Variants in ESF1 observed in about 807,000 individuals in gnomAD.
ESF1 encodes the protein ESF1 nucleolar pre-rRNA processing protein, also known as ESF1 homolog.
In ESF1, 58 loss-of-function variants were observed where a neutral mutation model predicts 92.0. That is an observed-to-expected ratio of 0.63 (90% confidence interval 0.51 to 0.78). ESF1 has a LOEUF of 0.78. Ranked by LOEUF, ESF1 falls within the 30% of genes least tolerant of loss-of-function variation. The probability of loss-of-function intolerance (pLI) is 0.00; values close to 1 mark genes in which losing one functional copy is unlikely to be tolerated. For synonymous variants in ESF1, 321 were observed against 313.7 expected, an observed-to-expected ratio of 1.02 and a Z score of -0.24; for missense variants, 922 against 989.1, an observed-to-expected ratio of 0.93 and a Z score of 0.91.
At chr20:13,782,481 A>T (rs953265534) in intron 2 of ESF1, 23 bp downstream of exon 2, 1 of 1,484,330 alleles carries the variant, frequency 6.7e-7, no homozygotes, top group Non-Finnish European at 8.9e-7. Flanking sequence ...ACACCCAAGA[A>T]TCTCTAATTT....
At chr20:13,766,357 G>A (rs1979424803) in intron 8 of ESF1, among the ~76,000 whole-genome samples, 1 of 152,054 alleles carries the variant, frequency 6.6e-6, no homozygotes, top group African/African-American at 2.4e-5. Context: ...AAAAGAAACA[G>A]AAAACTCTAA....
chr20:13,772,609 G>A lies in ESF1; in HGVS notation c.1156C>T (p.Pro386Ser), dbSNP rs963328451. The change falls in exon 5 of 14, where the codon CCT becomes TCT. Residue 386 changes from proline to serine, a missense_variant. Physicochemically the swap from Pro to Ser is moderately conservative, Grantham distance 74 (BLOSUM62 -1). Coordinates refer to ENST00000617257, the MANE Select transcript of ESF1 (RefSeq NM_001276380.2). ...ATCCTCTCCTTTCCAAATTCTGAAGGATATATCTAAACAGAAAAAAATAGG... is the reference window on the plus strand; with the variant it reads ...ATCCTCTCCTTTCCAAATTCTGAAGAATATATCTAAACAGAAAAAAATAGG... ...GGVIFSVKIY[P>S]SEFGKERMKE... 1 of 1,606,296 alleles carries A rather than the reference G, an allele frequency of 6.2e-7. No homozygotes were observed. The highest frequency in any genetic ancestry group is 1.3e-5 in the African/African-American group (1 of 74,732).
At chr20:13,731,645 G>A (rs750146459) in intron 10 of ESF1, among the ~76,000 whole-genome samples, 10 of 152,038 alleles carry the variant, frequency 6.6e-5, no homozygotes, top group Non-Finnish European at 1.2e-4. Context: ...CTTACCCCAC[G>A]TGGTGTTACA....
At chr20:13,720,003 T>C (rs928586579) in intron 11 of ESF1, among the ~76,000 whole-genome samples, 2 of 152,192 alleles carry the variant, frequency 1.3e-5, no homozygotes, top group South Asian at 2.1e-4. Context: ...ATAACATGTA[T>C]TGGGGTCTCT....
Position 13,733,905 on chromosome 20 carries a change from A to G in ESF1, c.1829-63T>C, listed in dbSNP as rs1236805947. On this transcript the variant is annotated intron_variant, in intron 9 of 13. Coordinates refer to ENST00000617257, the MANE Select transcript of ESF1 (RefSeq NM_001276380.2). Reference sequence around the variant, plus strand: ...TATTGTCTGGCAATCACTTAAACATATAATTTATAAAGACAAATATAATTT... The same window carrying G: ...TATTGTCTGGCAATCACTTAAACATGTAATTTATAAAGACAAATATAATTT... 13 of 1,510,336 alleles carry G rather than the reference A, an allele frequency of 8.6e-6. No individual in the cohort carries two copies. The East Asian group carries it at 1.4e-4, about 16-fold the overall frequency. The allele number at this position is 1,510,336 out of a possible 1,614,324, so 93.6% of individuals were successfully genotyped here.
chr20:13,720,653 C>T (rs1335692401), intron 11 of ESF1, among the ~76,000 whole-genome samples: 4 of 152,166 alleles, frequency 2.6e-5, no homozygotes, highest in African/African-American at 9.7e-5. Context: ...AAAAAGACTA[C>T]TATTAAATAT....
At chr20:13,725,947 T>C (rs2147724365) in intron 11 of ESF1, among the ~76,000 whole-genome samples, 1 of 152,332 alleles carries the variant, frequency 6.6e-6, no homozygotes, top group South Asian at 2.1e-4. Context: ...TCTTCCTCAG[T>C]AAATGGAAGA....
rs773314802 is a variant in ESF1 at position 13,782,925 on chromosome 20, G to A, written c.216C>T (p.Tyr72=). The change falls in exon 2 of 14, where the codon TAC becomes TAT. Residue 72 remains tyrosine (Y), a synonymous_variant. Coordinates refer to ENST00000617257, the MANE Select transcript of ESF1 (RefSeq NM_001276380.2). Reference sequence around the variant, plus strand: ...GATTGGAATCAGAATCTGAAAGGTCGTAAAAACGCTTCAAATCCTCTGTAG... The same window carrying A: ...GATTGGAATCAGAATCTGAAAGGTCATAAAAACGCTTCAAATCCTCTGTAG... The part of the protein sequence containing the change: ...HSTTEDLKRF[Y]DLSDSDSNLS... 9.3e-6 allele frequency: 15 copies of A among 1,614,048 alleles called. No individual in the cohort carries two copies. The highest frequency in any genetic ancestry group is 3.3e-4 in the Middle Eastern group (2 of 6,062).
intron 3 of ESF1, 46 bp from the exon 4 acceptor site, chr20:13,775,316 C>T: frequency 8.2e-7 from 1 of 1,212,256 alleles, no homozygotes; most frequent in Non-Finnish European, 1.2e-6. Flanking sequence ...ATATCATTCT[C>T]AATACTTGAA....
intron 9 of ESF1, among the ~76,000 whole-genome samples, chr20:13,750,766 G>A (rs1978597167): frequency 6.6e-6 from 1 of 152,112 alleles, no homozygotes; most frequent in Non-Finnish European, 1.5e-5. Context: ...ACAGCTTGAG[G>A]CCAGGATTTT....
intron 8 of ESF1, among the ~76,000 whole-genome samples, chr20:13,760,072 C>A (rs929367610): frequency 1.3e-5 from 2 of 152,368 alleles, no homozygotes; most frequent in Middle Eastern, 3.4e-3. Flanking sequence ...CTTGGGAATG[C>A]CCCTTTTTAT....
At position 13,759,835 on chromosome 20, in the gene ESF1, A is replaced by G; in HGVS notation, c.1685T>C (p.Val562Ala). The G allele has an allele frequency of 6.3e-7, 1 of 1,596,378 alleles. No individual in the cohort carries two copies. The stretch of plus-strand genomic sequence containing the variant: ...TTTCTTTGTTTTCCCATCTTCTTCT[A>G]CATTGACTCCATCATCACCTAATGA... ...EELQGDDGVN[V>A]EEDGKTKKSQ... Residue 562 changes from valine (V) to alanine (A), a missense_variant, in exon 9 of 14, where the codon GTA (valine) becomes GCA (alanine). Physicochemically the swap from Val to Ala is moderately conservative, Grantham distance 64. Transcript: ENST00000617257.
chr20:13,762,857 T>G (rs1979261963), intron 8 of ESF1: 1 of 295,930 alleles, frequency 3.4e-6, no homozygotes, highest in African/African-American at 2.6e-5. Flanking sequence ...TATTAAAGTT[T>G]TTTTTTTTTT....
chr20:13,745,468 T>C (rs1180376573), intron 9 of ESF1, among the ~76,000 whole-genome samples: 1 of 152,246 alleles, frequency 6.6e-6, no homozygotes, highest in Non-Finnish European at 1.5e-5. Context: ...TTTTACTTTT[T>C]AGAGATGGAG....
intron 7 of ESF1, 39 bp from the exon 8 acceptor site, chr20:13,766,963 G>T (rs1568725575): frequency 6.3e-7 from 1 of 1,591,200 alleles, no homozygotes; most frequent in East Asian, 2.2e-5. Flanking sequence ...ACACGAAAAT[G>T]GAAATGTCAG....
At chr20:13,728,556 C>T (rs1474731845) in intron 10 of ESF1, 91 bp from the exon 11 acceptor site, 1 of 1,022,644 alleles carries the variant, frequency 9.8e-7, no homozygotes, top group Non-Finnish European at 1.4e-6. Flanking sequence ...TCTTTTAAAC[C>T]AAGTAGTTCA....
At chr20:13,730,465 G>A (rs963451639) in intron 10 of ESF1, among the ~76,000 whole-genome samples, 6 of 146,846 alleles carry the variant, frequency 4.1e-5, no homozygotes, top group Non-Finnish European at 8.9e-5. Flanking sequence ...CTCACTGCAC[G>A]CTCCACCTCC....
At chr20:13,783,885 A>G (rs1219222773) in intron 1 of ESF1, among the ~76,000 whole-genome samples, 1 of 152,244 alleles carries the variant, frequency 6.6e-6, no homozygotes, top group Non-Finnish European at 1.5e-5. Context: ...TTCTGGTCTC[A>G]TTCTGCTTAC....
At chr20:13,761,116 CCA>C (rs1321716293) in intron 8 of ESF1, among the ~76,000 whole-genome samples, 1 of 152,010 alleles carries the variant, frequency 6.6e-6, no homozygotes, top group Non-Finnish European at 1.5e-5. Flanking sequence ...TGTGCTGTGT[CCA>C]CTCAGGGTTA....
Sources: gnomAD v4.1 joint callset for allele counts (sites outside exome capture counted in the v4.1 genomes callset) on GRCh38, gnomAD v4.1.1 for gene constraint, MANE v1.5 for transcripts, NCBI Gene and HGNC (gene_info 2026-07-23, HGNC 2026-07-21) for gene names.